The following RPS6KB1 variants were observed in gnomAD, a reference collection of about 807,000 sequenced individuals.
RPS6KB1 encodes ribosomal protein S6 kinase B1, also known as ribosomal protein S6 kinase beta-1.
Under a neutral mutation model 70.2 loss-of-function variants are expected in RPS6KB1, and 12 were observed. The observed-to-expected ratio is 0.17, with a 90% CI of 0.11 to 0.28. The LOEUF (loss-of-function observed/expected upper bound fraction) is 0.28, where lower values mean the gene tolerates loss of function less well. RPS6KB1 is among the 10% of genes least tolerant of loss of function. The pLI, the probability that RPS6KB1 is intolerant of heterozygous loss-of-function variation, is 1.00. For synonymous variants in RPS6KB1, 175 were observed against 211.2 expected (o/e 0.83, Z 1.49); for missense variants, 270 against 646.6 (o/e 0.42, Z 6.32).
intron 12 of RPS6KB1, among the ~76,000 whole-genome samples, chr17:59,938,737 GTGTGTGTT>G: frequency 6.8e-6 from 1 of 147,564 alleles, no homozygotes; most frequent in African/African-American, 2.6e-5. Context: ...GTGTGTGTGT[GTGTGTGTT>G]TAAGTGATGT....
intron 4 of RPS6KB1, among the ~76,000 whole-genome samples, chr17:59,917,366 T>C (rs892115359): frequency 3.3e-5 from 5 of 152,014 alleles, no homozygotes; most frequent in African/African-American, 9.7e-5. Context: ...TCCACCCGCC[T>C]CGGCCACCCA....
chr17:59,940,206 C>T (rs1015820868), intron 12 of RPS6KB1, among the ~76,000 whole-genome samples: 1 of 150,946 alleles, frequency 6.6e-6, no homozygotes, highest in African/African-American at 2.4e-5. Context: ...ACTAGGCACA[C>T]TGAAGCTTTG....
At chr17:59,924,838 TA>T (rs1174842105) in intron 4 of RPS6KB1, among the ~76,000 whole-genome samples, 1 of 151,318 alleles carries the variant, frequency 6.6e-6, no homozygotes, top group African/African-American at 2.4e-5. Flanking sequence ...TTTATTTATT[TA>T]TTTTTTTGAG....
chr17:59,917,265 C>T (rs1049094732), intron 4 of RPS6KB1, among the ~76,000 whole-genome samples: 4 of 151,018 alleles, frequency 2.6e-5, no homozygotes, highest in Non-Finnish European at 4.4e-5. Context: ...ACCACAGACA[C>T]GCACCACCAG....
intron 4 of RPS6KB1, among the ~76,000 whole-genome samples, chr17:59,920,056 A>G (rs1465312566): frequency 6.7e-6 from 1 of 148,674 alleles, no homozygotes; most frequent in East Asian, 2.0e-4. Context: ...TTGTTTTCTT[A>G]TTCTTGTTTG....
At chr17:59,919,081 T>G (rs1315882082) in intron 4 of RPS6KB1, among the ~76,000 whole-genome samples, 1 of 152,168 alleles carries the variant, frequency 6.6e-6, no homozygotes, top group Non-Finnish European at 1.5e-5. Context: ...TCTGTCCACC[T>G]AGGCCTCAAT....
intron 5 of RPS6KB1, among the ~76,000 whole-genome samples, chr17:59,927,802 C>T (rs564671083): frequency 1.1e-4 from 17 of 151,594 alleles, no homozygotes; most frequent in South Asian, 2.1e-4. Flanking sequence ...CCACTGTGCC[C>T]GCCCGGAAAA....
chr17:59,941,256 C>T (rs965497789), intron 13 of RPS6KB1, among the ~76,000 whole-genome samples: 9 of 150,192 alleles, frequency 6.0e-5, no homozygotes, highest in African/African-American at 7.4e-5. Context: ...TCATAGCAGT[C>T]GGGGAGAAAA....
At chr17:59,901,496 A>C (rs973764277) in intron 1 of RPS6KB1, among the ~76,000 whole-genome samples, 10 of 151,140 alleles carry the variant, frequency 6.6e-5, no homozygotes, top group Admixed American at 1.3e-4. Context: ...TCACCCTATA[A>C]AGAAATTTTG....
At chr17:59,909,919 G>A (rs2042529773) in intron 1 of RPS6KB1, among the ~76,000 whole-genome samples, 1 of 152,088 alleles carries the variant, frequency 6.6e-6, no homozygotes, top group African/African-American at 2.4e-5. Flanking sequence ...GGCTGAGGCA[G>A]GGGAATCACT....
At chr17:59,900,215 CACACACA>C (rs2041837836) in intron 1 of RPS6KB1, among the ~76,000 whole-genome samples, 4 of 134,106 alleles carry the variant, frequency 3.0e-5, no homozygotes, top group African/African-American at 1.3e-4. Context: ...CACACACACA[CACACACA>C]CACACACACC....
intron 12 of RPS6KB1, among the ~76,000 whole-genome samples, chr17:59,937,480 G>A (rs1010438241): frequency 4.6e-5 from 7 of 152,194 alleles, no homozygotes; most frequent in Non-Finnish European, 8.8e-5. Context: ...CATTGTTAGA[G>A]TTGGTTTCTT....
Position 59,931,743 on chromosome 17 carries a change from A to C in RPS6KB1, c.688+21A>C, listed in dbSNP as rs369500715. 78 of 1,506,172 alleles carry C rather than the reference A, an allele frequency of 5.2e-5. No homozygotes were observed. In the African/African-American group the frequency reaches 1.0e-3, roughly 19 times the overall value. The allele number at this position is 1,506,172 out of a possible 1,614,324, so 93.3% of individuals were successfully genotyped here. A position where few individuals can be genotyped will look rare whatever the true frequency, so the allele number is the denominator to read the frequency against. On this transcript the variant is annotated intron_variant, in intron 7 of 14. Transcript: ENST00000225577. ...CCAAGGTGGAGACATACCGTAAACAATTCTATAGTAAATAATCATCTTAAA... is the reference window on the plus strand; with the variant it reads ...CCAAGGTGGAGACATACCGTAAACACTTCTATAGTAAATAATCATCTTAAA...
At chr17:59,944,496 A>T (rs1211775621) in intron 13 of RPS6KB1, among the ~76,000 whole-genome samples, 1 of 152,100 alleles carries the variant, frequency 6.6e-6, no homozygotes, top group Admixed American at 6.6e-5. Flanking sequence ...GAGGTGGGAG[A>T]ATAGCTTGGG....
intron 2 of RPS6KB1, among the ~76,000 whole-genome samples, chr17:59,911,952 A>G (rs966690579): frequency 6.6e-6 from 1 of 152,154 alleles, no homozygotes; most frequent in Admixed American, 6.6e-5. Flanking sequence ...GAAGTTTTGT[A>G]CTATGATGTG....
Position 59,910,588 on chromosome 17 carries a change from TG to T in RPS6KB1, c.173del (p.Gly58GlufsTer22). ...GGQLNESMDH[G>X]GVGPYELGME... ...GTCAGTTAAATGAAAGCATGGACCA[TG>T]GGGGAGTTGGACCATATGAACTGTA... On this transcript the variant is annotated frameshift_variant, in exon 2 of 15. Transcript: ENST00000225577. LOFTEE classifies it high-confidence loss of function. 6.3e-7 allele frequency: 1 copy of T among 1,591,488 alleles called. No homozygotes were observed. Among genetic ancestry groups the T allele is most frequent in the South Asian group, 1.1e-5 (1 of 87,230 alleles).
At chr17:59,926,342 C>T (rs2043606421) in intron 4 of RPS6KB1, 93 bp from the exon 5 acceptor site, 2 of 974,306 alleles carry the variant, frequency 2.1e-6, no homozygotes, top group Non-Finnish European at 3.0e-6. Context: ...TCAATATTGG[C>T]AGGAAAAACA....
At chr17:59,904,698 GTT>G (rs950470089) in intron 1 of RPS6KB1, among the ~76,000 whole-genome samples, 6 of 122,594 alleles carry the variant, frequency 4.9e-5, no homozygotes, top group Admixed American at 8.6e-5. Context: ...CTGGCATTCT[GTT>G]TTTTTTTTTT....
intron 1 of RPS6KB1, 37 bp from the exon 2 acceptor site, chr17:59,910,523 TTA>T (rs1197219675): frequency 7.7e-7 from 1 of 1,305,676 alleles, no homozygotes; most frequent in East Asian, 2.3e-5. Context: ...AATTTTATGT[TTA>T]TTAGATTATT....
Sources: gnomAD v4.1 joint callset for allele counts (sites outside exome capture counted in the v4.1 genomes callset) on GRCh38, gnomAD v4.1.1 for gene constraint, MANE v1.5 for transcripts, NCBI Gene and HGNC (gene_info 2026-07-23, HGNC 2026-07-21) for gene names.